Variants in VPS13B observed in about 807,000 individuals in gnomAD.
VPS13B encodes intermembrane lipid transfer protein VPS13B.
In VPS13B, 285 loss-of-function variants were observed where a neutral mutation model predicts 426.4. The ratio of observed to expected loss-of-function variants is 0.67; its 90% confidence interval spans 0.61 to 0.74. The LOEUF (loss-of-function observed/expected upper bound fraction) is 0.74. Ranked by LOEUF, VPS13B falls within the 30% of genes least tolerant of loss-of-function variation. VPS13B has a pLI of 0.00. For synonymous variants in VPS13B, 1,676 were observed against 1,676.4 expected (o/e 1.00, Z 0.01); for missense variants, 4,537 against 4,782.6 (o/e 0.95, Z 1.51).
At chr8:99,133,020 A>G (rs972634185) in intron 8 of VPS13B, among the ~76,000 whole-genome samples, 4 of 152,200 alleles carry the variant, frequency 2.6e-5, no homozygotes, top group Admixed American at 2.6e-4. Context: ...TTAGCCCCTA[A>G]CAAGAGCATC....
At chr8:99,400,998 G>C (rs1200586651) in intron 21 of VPS13B, among the ~76,000 whole-genome samples, 1 of 152,074 alleles carries the variant, frequency 6.6e-6, no homozygotes, top group East Asian at 1.9e-4. Context: ...TTAAATATTT[G>C]TTTAATACTT....
rs1326136411 is a variant in VPS13B, at chr8:99,636,929, G to A, written c.5221-4882G>A. Among the ~76,000 whole-genome samples, 4 of 152,048 alleles carry A rather than the reference G, an allele frequency of 2.6e-5. No individual in the cohort carries two copies. The East Asian group carries it at 7.7e-4, about 29-fold the overall frequency. The stretch of plus-strand genomic sequence containing the variant: ...GTTTTTATGGCTTAATCATGATCAT[G>A]TTAATGCACACCAGTAGCTAATTAA... On this transcript the variant is annotated intron_variant, in intron 33 of 61. Coordinates refer to ENST00000357162, the MANE Select transcript of VPS13B (RefSeq NM_152564.5).
At chr8:99,611,535 C>T (rs931490968) in intron 33 of VPS13B, among the ~76,000 whole-genome samples, 4 of 151,236 alleles carry the variant, frequency 2.6e-5, no homozygotes, top group African/African-American at 7.3e-5. Flanking sequence ...CTGTTCTTAC[C>T]GGGAACAAAT....
intron 30 of VPS13B, among the ~76,000 whole-genome samples, chr8:99,555,758 A>T (rs1333933467): frequency 6.6e-6 from 1 of 152,116 alleles, no homozygotes; most frequent in Admixed American, 6.6e-5. Flanking sequence ...AGATTATTTT[A>T]TTCATTTACT....
intron 19 of VPS13B, among the ~76,000 whole-genome samples, chr8:99,280,184 A>G (rs1588204198): frequency 6.6e-6 from 1 of 151,918 alleles, no homozygotes; most frequent in East Asian, 1.9e-4. Flanking sequence ...ATGTATTTAC[A>G]TATACTGTTT....
At chr8:99,313,735 C>A (rs778965467) in intron 19 of VPS13B, among the ~76,000 whole-genome samples, 2 of 152,186 alleles carry the variant, frequency 1.3e-5, no homozygotes, top group Non-Finnish European at 2.9e-5. Flanking sequence ...GTTTCTGCTG[C>A]CTTCTGTTTG....
chr8:99,762,257 C>T (rs774745026), intron 39 of VPS13B, among the ~76,000 whole-genome samples: 192 of 152,092 alleles, frequency 1.3e-3, no homozygotes, highest in South Asian at 1.7e-3. Context: ...AACTCCTGGG[C>T]TCCAGCAATC....
intron 58 of VPS13B, among the ~76,000 whole-genome samples, 153 bp downstream of exon 58, chr8:99,862,099 G>A (rs963024221): frequency 3.9e-5 from 6 of 152,230 alleles, no homozygotes; most frequent in African/African-American, 7.2e-5. Context: ...AGTGCGTCCC[G>A]CCGGGGGCTC....
intron 17 of VPS13B, among the ~76,000 whole-genome samples, chr8:99,241,872 T>C (rs1292436106): frequency 6.6e-6 from 1 of 152,184 alleles, no homozygotes; most frequent in Non-Finnish European, 1.5e-5. Context: ...AGTGTAAACA[T>C]AGATTAGAGT....
At chr8:99,091,392 G>A (rs1846137778) in intron 3 of VPS13B, among the ~76,000 whole-genome samples, 1 of 152,098 alleles carries the variant, frequency 6.6e-6, no homozygotes, top group African/African-American at 2.4e-5. Context: ...ACAAGGGAGG[G>A]TCATTTCTTT....
Position 99,809,605 on chromosome 8 carries a change from T to C in VPS13B, c.8097+75T>C, listed in dbSNP as rs1813595384. 2.5e-6 allele frequency: 4 copies of C among 1,582,690 alleles called. No homozygotes were observed. The African/African-American group carries it at 4.1e-5, about 16-fold the overall frequency. ...AATGGAGATGAAAATAATTAATAAT[T>C]TTTTTAAAATCACAGTGGTTATGCC... On this transcript the variant is annotated intron_variant, in intron 44 of 61. Coordinates refer to ENST00000357162, the MANE Select transcript of VPS13B (RefSeq NM_152564.5).
chr8:99,482,458 G>A (rs1012808299), intron 25 of VPS13B, among the ~76,000 whole-genome samples: 5 of 152,098 alleles, frequency 3.3e-5, no homozygotes, highest in Non-Finnish European at 5.9e-5. Context: ...TTAAGATACA[G>A]TATTATGTAC....
At chr8:99,237,599 G>A (rs1405467296) in intron 17 of VPS13B, among the ~76,000 whole-genome samples, 3 of 152,062 alleles carry the variant, frequency 2.0e-5, no homozygotes, top group Non-Finnish European at 2.9e-5. Flanking sequence ...AATCACGAAT[G>A]TTTTTGGATA....
chr8:99,583,886 G>A (rs1826188098), intron 33 of VPS13B, among the ~76,000 whole-genome samples: 1 of 152,020 alleles, frequency 6.6e-6, no homozygotes, highest in Non-Finnish European at 1.5e-5. Context: ...ACTCTCTTGA[G>A]GTAGTCATGA....
chr8:99,497,834 G>T (rs1208157758), intron 25 of VPS13B, among the ~76,000 whole-genome samples: 1 of 151,904 alleles, frequency 6.6e-6, no homozygotes, highest in Non-Finnish European at 1.5e-5. Flanking sequence ...TCTTGTAATT[G>T]TTTTAAAACT....
At chr8:99,135,253 G>T (rs952707625) in intron 10 of VPS13B, 116 bp downstream of exon 10, 9 of 1,421,460 alleles carry the variant, frequency 6.3e-6, no homozygotes, top group Middle Eastern at 2.2e-4. Context: ...CTTGAGAGAG[G>T]AGCTTTACTA....
chr8:99,755,770 A>AAAAT lies in VPS13B; in HGVS notation c.7051-10984_7051-10981dup, dbSNP rs535898763. On this transcript the variant is annotated intron_variant, in intron 39 of 61. Transcript: ENST00000357162. ...GGCAACAGAGGGAGACTCCATCTCA[A>AAAAT]AAATAAATAAATAAATAAATAAACA... Among the ~76,000 whole-genome samples, 956 of 152,174 alleles carry AAAAT rather than the reference A, an allele frequency of 6.3e-3. 12 individuals are homozygous for AAAAT. Among genetic ancestry groups the AAAAT allele is most frequent in the East Asian group, 0.02 (105 of 5,178 alleles).
intron 17 of VPS13B, among the ~76,000 whole-genome samples, chr8:99,262,862 C>A (rs1818116442): frequency 6.6e-6 from 1 of 151,926 alleles, no homozygotes. Flanking sequence ...CCATGACGCA[C>A]TGAAGCCTCA....
chr8:99,293,551 TTAAAC>T lies in VPS13B; in HGVS notation c.2824+18302_2824+18306del, dbSNP rs1774363059. Among the ~76,000 whole-genome samples, 4 of 117,720 alleles carry T rather than the reference TTAAAC, an allele frequency of 3.4e-5. 1 individual carries two copies. The highest frequency in any genetic ancestry group is 7.0e-5 in the Non-Finnish European group (4 of 56,860). The allele number at this position is 117,720 out of a possible 152,430, so 77.2% of individuals were successfully genotyped here. On this transcript the variant is annotated intron_variant, in intron 19 of 61. Coordinates refer to ENST00000357162, the MANE Select transcript of VPS13B (RefSeq NM_152564.5). ...GCCAAAATTGACAAATGGGATCTAATTAAACTAAAGAGCTTCTGCACAGCAAAAGA... is the reference window on the plus strand; with the variant it reads ...GCCAAAATTGACAAATGGGATCTAATTAAAGAGCTTCTGCACAGCAAAAGA...
Sources: gnomAD v4.1 joint callset for allele counts (sites outside exome capture counted in the v4.1 genomes callset) on GRCh38, gnomAD v4.1.1 for gene constraint, MANE v1.5 for transcripts, NCBI Gene and HGNC (gene_info 2026-07-23, HGNC 2026-07-21) for gene names.